The following CLVS1 variants were observed in gnomAD, a reference collection of about 807,000 sequenced individuals.
CLVS1 encodes clavesin 1.
In CLVS1, 10 loss-of-function variants were observed where a neutral mutation model predicts 33.1. The observed-to-expected ratio is 0.30, with a 90% CI of 0.19 to 0.51. The LOEUF (loss-of-function observed/expected upper bound fraction) is 0.51. CLVS1 is among the 20% of genes least tolerant of loss of function. The pLI, the probability that CLVS1 is intolerant of heterozygous loss-of-function variation, is 0.97. For missense variants in CLVS1, 343 were observed against 433.4 expected (o/e 0.79, Z 1.85); for synonymous variants, 163 against 166.1 (o/e 0.98, Z 0.14).
At chr8:61,219,759 C>T (rs1808170316) in intron 2 of CLVS1, among the ~76,000 whole-genome samples, 3 of 152,208 alleles carry the variant, frequency 2.0e-5, no homozygotes, top group South Asian at 4.1e-4. Context: ...ATTTACATTA[C>T]CACCAACAGT....
chr8:61,056,467 A>C (rs909748547), upstream of CLVS1, among the ~76,000 whole-genome samples: 1 of 152,210 alleles, frequency 6.6e-6, no homozygotes, highest in African/African-American at 2.4e-5. Context: ...AATCATTGGA[A>C]AGTGACAGGC....
chr8:61,202,018 C>T (rs1476421023), intron 2 of CLVS1, among the ~76,000 whole-genome samples: 1 of 151,958 alleles, frequency 6.6e-6, no homozygotes, highest in Non-Finnish European at 1.5e-5. Context: ...TGGCTAGCAA[C>T]TTAGAACTTT....
intron 2 of CLVS1, among the ~76,000 whole-genome samples, chr8:61,149,192 GTTAC>G (rs1231514107): frequency 6.6e-6 from 1 of 152,094 alleles, no homozygotes; most frequent in Non-Finnish European, 1.5e-5. Context: ...GCACACAGTA[GTTAC>G]TTACTAAAAA....
At chr8:61,222,424 T>C (rs1808236158) in intron 2 of CLVS1, among the ~76,000 whole-genome samples, 1 of 152,230 alleles carries the variant, frequency 6.6e-6, no homozygotes, top group African/African-American at 2.4e-5. Context: ...GATTTCTGCC[T>C]TAATTATTTA....
intron 2 of CLVS1, among the ~76,000 whole-genome samples, chr8:61,167,179 T>C (rs1053547500): frequency 6.7e-6 from 1 of 149,422 alleles, no homozygotes; most frequent in Non-Finnish European, 1.5e-5. Flanking sequence ...CAATCTTCCA[T>C]CCAGCTTCCT....
chr8:61,230,107 A>G (rs1036000412), intron 2 of CLVS1, among the ~76,000 whole-genome samples: 10 of 152,192 alleles, frequency 6.6e-5, no homozygotes, highest in Admixed American at 6.5e-4. Flanking sequence ...GGAGTGTTAG[A>G]CTAAAAGGGA....
At position 61,348,832 on chromosome 8, in the gene CLVS1, C is replaced by A. The variant is rs540848428; in HGVS notation, c.456-27773C>A. On this transcript the variant is annotated intron_variant, in intron 2 of 5. Transcript: ENST00000325897. ...CATAATGGTTGTACTAATGTACATT[C>A]TCACCAACAGTATACAAGTGTTCCC... Among the ~76,000 whole-genome samples the A allele has an allele frequency of 5.6e-4, 85 of 152,240 alleles. No individual in the cohort carries two copies. In the South Asian group the frequency reaches 0.018, roughly 32 times the overall value.
At chr8:61,044,345 G>A in the CLVS1 span, among the ~76,000 whole-genome samples, 21 of 152,118 alleles carry the variant, frequency 1.4e-4, no homozygotes, top group African/African-American at 2.4e-4. Context: ...ATCCAAACAC[G>A]TAATATCAAT....
chr8:61,154,303 G>A (rs1026413598), intron 2 of CLVS1, among the ~76,000 whole-genome samples: 49 of 151,798 alleles, frequency 3.2e-4, no homozygotes, highest in Admixed American at 2.6e-3. Flanking sequence ...TGCTCTGAAT[G>A]AAGCTCTGAA....
Position 61,092,885 on chromosome 8 carries a change from T to A in CLVS1, c.-243+35655T>A, listed in dbSNP as rs150467166. Among the ~76,000 whole-genome samples, 89 of 152,254 alleles carry A rather than the reference T, an allele frequency of 5.8e-4. 1 individual carries two copies. The highest frequency in any genetic ancestry group is 8.2e-4 in the Non-Finnish European group (56 of 68,022). On this transcript the variant is annotated intron_variant, in intron 1 of 2. Coordinates refer to the CLVS1 transcript ENST00000522621. ...CATATTGGGAGGCCATTATTCTGCT[T>A]CCCAAGTGGTATCACTGGGATTGGA...
At chr8:61,366,675 T>TA (rs1216757690) in intron 2 of CLVS1, among the ~76,000 whole-genome samples, 1 of 152,208 alleles carries the variant, frequency 6.6e-6, no homozygotes, top group Non-Finnish European at 1.5e-5. Context: ...CTACTATGTA[T>TA]AGGTACTGGT....
intron 5 of CLVS1, among the ~76,000 whole-genome samples, chr8:61,481,746 C>T (rs1015768203): frequency 6.6e-6 from 1 of 152,170 alleles, no homozygotes. Context: ...AAGCCTGCCT[C>T]CCTCTGTAGA....
chr8:61,063,816 C>T (rs1007753881), intron 1 of CLVS1, among the ~76,000 whole-genome samples: 2 of 152,172 alleles, frequency 1.3e-5, no homozygotes, highest in South Asian at 4.1e-4. Context: ...AATCATCCCC[C>T]CTATGTTTTC....
intron 5 of CLVS1, among the ~76,000 whole-genome samples, chr8:61,459,567 A>G (rs1817293372): frequency 6.7e-6 from 1 of 149,364 alleles, no homozygotes; most frequent in African/African-American, 2.5e-5. Context: ...CTTATAGCTT[A>G]GCTCACCCAT....
chr8:61,059,499 T>TATACACAC (rs1265187479), intron 1 of CLVS1, among the ~76,000 whole-genome samples: 1 of 96,348 alleles, frequency 1.0e-5, no homozygotes, highest in Admixed American at 1.3e-4. Context: ...TATATATATA[T>TATACACAC]ACACATATCT....
At chr8:61,160,466 G>A (rs1156228459) in intron 2 of CLVS1, among the ~76,000 whole-genome samples, 3 of 152,224 alleles carry the variant, frequency 2.0e-5, no homozygotes, top group East Asian at 3.9e-4. Context: ...GCAGCCCAGG[G>A]GAACTTGCAG....
chr8:61,038,887 T>C, the CLVS1 span, among the ~76,000 whole-genome samples: 1 of 152,242 alleles, frequency 6.6e-6, no homozygotes, highest in Admixed American at 6.5e-5. Flanking sequence ...AGGATGAACC[T>C]ATTTCACTGA....
At chr8:61,447,925 T>G (rs1484771876) in intron 3 of CLVS1, among the ~76,000 whole-genome samples, 1 of 152,172 alleles carries the variant, frequency 6.6e-6, no homozygotes, top group Non-Finnish European at 1.5e-5. Context: ...AACTGAGCTA[T>G]GCTTTTAGAA....
chr8:61,199,970 G>A (rs1187441957), intron 2 of CLVS1, among the ~76,000 whole-genome samples: 1 of 152,166 alleles, frequency 6.6e-6, no homozygotes, highest in East Asian at 1.9e-4. Flanking sequence ...GAAAGGGGTG[G>A]TGAGGCATTG....
Sources: gnomAD v4.1 joint callset for allele counts (sites outside exome capture counted in the v4.1 genomes callset) on GRCh38, gnomAD v4.1.1 for gene constraint, MANE v1.5 for transcripts, NCBI Gene and HGNC (gene_info 2026-07-23, HGNC 2026-07-21) for gene names.